Variants in LRRFIP1 observed in about 807,000 individuals in gnomAD.
LRRFIP1 encodes LRR binding FLII interacting protein 1.
In LRRFIP1, 62 loss-of-function variants were observed where a neutral mutation model predicts 104.4. The observed-to-expected ratio is 0.59, with a 90% CI of 0.48 to 0.73. The LOEUF (loss-of-function observed/expected upper bound fraction) is 0.73, where lower values mean the gene tolerates loss of function less well. Among genes scored for constraint, LRRFIP1 ranks in the 30% least tolerant of loss-of-function variants. The pLI is 0.00. For synonymous variants in LRRFIP1, 300 were observed against 299.0 expected (o/e 1.00, Z -0.03); for missense variants, 796 against 824.5 (o/e 0.97, Z 0.42).
chr2:237,741,478 G>A (rs891286818), intron 11 of LRRFIP1, among the ~76,000 whole-genome samples: 5 of 152,198 alleles, frequency 3.3e-5, no homozygotes, highest in South Asian at 4.1e-4. Context: ...AACATTTTCC[G>A]TAATAAATTT....
intron 1 of LRRFIP1, among the ~76,000 whole-genome samples, chr2:237,671,115 C>A (rs759002926): frequency 2.6e-5 from 4 of 152,320 alleles, no homozygotes; most frequent in Non-Finnish European, 4.4e-5. Context: ...AGATTTTGAA[C>A]AAGGGAACCC....
chr2:237,705,293 T>G (rs543431554), intron 1 of LRRFIP1, among the ~76,000 whole-genome samples: 1 of 152,232 alleles, frequency 6.6e-6, no homozygotes, highest in African/African-American at 2.4e-5. Flanking sequence ...TATCTGCTAG[T>G]GTGTAATAAA....
intron 1 of LRRFIP1, among the ~76,000 whole-genome samples, chr2:237,707,994 C>T (rs2093897319): frequency 6.6e-6 from 1 of 152,246 alleles, no homozygotes; most frequent in East Asian, 1.9e-4. Context: ...GCTGGGATTA[C>T]AGTCCCAGCT....
In LRRFIP1 at chr2:237,627,777, C is replaced by A. The variant is rs2081764117; in HGVS notation, c.96+37C>A. On this transcript the variant is annotated intron_variant, in intron 1 of 23. Transcript: ENST00000308482. ...GGGAGGGCAGCCGGGGGGCGCCGGG[C>A]GGGCGCGGGGGCCGGACGGCTGTCA... The A allele has an allele frequency of 1.7e-6, 2 of 1,181,220 alleles. 1 individual carries two copies. Among genetic ancestry groups the A allele is most frequent in the East Asian group, 7.4e-5 (2 of 27,002 alleles). 73.2% of individuals were successfully genotyped at this position (1,181,220 alleles called of 1,614,324 possible).
At chr2:237,697,334 A>G (rs2093258635) in intron 1 of LRRFIP1, among the ~76,000 whole-genome samples, 1 of 152,186 alleles carries the variant, frequency 6.6e-6, no homozygotes, top group African/African-American at 2.4e-5. Context: ...AATGAGCTTT[A>G]CTTTTCTACA....
chr2:237,753,073 A>G (rs75603954), intron 14 of LRRFIP1, among the ~76,000 whole-genome samples: 3,025 of 152,252 alleles, frequency 0.02, 104 homozygotes, highest in African/African-American at 0.069. Context: ...CGTTTGTTCT[A>G]ATGAGTGTGT....
intron 1 of LRRFIP1, among the ~76,000 whole-genome samples, chr2:237,682,722 T>C (rs1396733784): frequency 6.6e-6 from 1 of 152,240 alleles, no homozygotes; most frequent in Admixed American, 6.5e-5. Flanking sequence ...TGTCTTTCAA[T>C]GCTCCTGGCG....
rs985555342 is a variant in LRRFIP1, at chr2:237,711,025, G to T, written c.183+2395G>T. Among the ~76,000 whole-genome samples the T allele has an allele frequency of 2.0e-5, 3 of 152,208 alleles. No individual in the cohort carries two copies. The highest frequency in any genetic ancestry group is 7.2e-5 in the African/African-American group (3 of 41,444). ...ATGATCGGGCCATGATTGTCCCTGT[G>T]TGTAGCCACTGCACTCCAGCTGGGG... On this transcript the variant is annotated intron_variant, in intron 2 of 23. Coordinates refer to ENST00000308482, the MANE Select transcript of LRRFIP1 (RefSeq NM_001137550.2). The surrounding 1 kb of genome is among the most constrained non-coding windows in gnomAD (Gnocchi z 4.4).
chr2:237,662,517 A>G (rs2088210360), intron 1 of LRRFIP1, among the ~76,000 whole-genome samples: 1 of 152,022 alleles, frequency 6.6e-6, no homozygotes, highest in African/African-American at 2.4e-5. Context: ...TTTTTTTTTC[A>G]GGTCCAATGT....
intron 1 of LRRFIP1, among the ~76,000 whole-genome samples, chr2:237,672,707 G>T (rs1011017628): frequency 4.6e-5 from 7 of 152,134 alleles, no homozygotes; most frequent in Admixed American, 1.3e-4. Flanking sequence ...CCCGCTGTTG[G>T]TGTGTTTTAA....
At chr2:237,771,558 C>CCCCCCCG (rs1553714308) in intron 20 of LRRFIP1, among the ~76,000 whole-genome samples, 5 of 86,536 alleles carry the variant, frequency 5.8e-5, no homozygotes, top group African/African-American at 2.3e-4. Flanking sequence ...CAATCCCCCC[C>CCCCCCCG]CCCCCCCGCC....
chr2:237,666,884 G>A (rs1415867636), intron 1 of LRRFIP1, among the ~76,000 whole-genome samples: 3 of 114,722 alleles, frequency 2.6e-5, no homozygotes, highest in Non-Finnish European at 5.4e-5. Context: ...CTCTCGCTCT[G>A]TTCCTTTCTT....
chr2:237,746,522 G>T (rs542289024), intron 11 of LRRFIP1, among the ~76,000 whole-genome samples: 96 of 152,280 alleles, frequency 6.3e-4, no homozygotes, highest in African/African-American at 2.3e-3. Flanking sequence ...GTCTGCCTTC[G>T]TATCTGTCCC....
intron 1 of LRRFIP1, among the ~76,000 whole-genome samples, chr2:237,678,949 T>G (rs2091486686): frequency 6.6e-6 from 1 of 152,144 alleles, no homozygotes; most frequent in South Asian, 2.1e-4. Flanking sequence ...GGTACCATTA[T>G]CCCTCCCATT....
chr2:237,730,811 G>A (rs1231817905), intron 8 of LRRFIP1, among the ~76,000 whole-genome samples: 2 of 152,140 alleles, frequency 1.3e-5, no homozygotes, highest in Non-Finnish European at 1.5e-5. Context: ...CCAGCTACTC[G>A]GGGGGCTGAG....
intron 19 of LRRFIP1, chr2:237,763,419 C>G (rs975285178): frequency 1.9e-6 from 3 of 1,613,456 alleles, no homozygotes; most frequent in African/African-American, 2.7e-5. Context: ...CAGAAGAAGA[C>G]AAAGAACAAG....
chr2:237,687,591 G>A lies in LRRFIP1; in HGVS notation c.97-20953G>A, dbSNP rs193139010. 1.3e-3 allele frequency among the ~76,000 whole-genome samples: 154 copies of A among 121,860 alleles called. 3 individuals carry two copies. Among genetic ancestry groups the A allele is most frequent in the African/African-American group, 4.9e-3 (145 of 29,552 alleles). The allele number at this position is 121,860 out of a possible 152,430, so 79.9% of individuals were successfully genotyped here. On this transcript the variant is annotated intron_variant, in intron 1 of 23. Coordinates refer to ENST00000308482, the MANE Select transcript of LRRFIP1 (RefSeq NM_001137550.2). ...TGCACTCCAGCATGGGTAACAGAGC[G>A]AGACTCCATCTCAAAAAAAAAAAAA...
rs1193468546 is a variant in LRRFIP1, at chr2:237,691,272, C to G, written c.97-17272C>G. On this transcript the variant is annotated intron_variant, in intron 1 of 23. Transcript: ENST00000308482. The surrounding 1 kb of genome is among the most constrained non-coding windows in gnomAD (Gnocchi z 5.4). The stretch of plus-strand genomic sequence containing the variant: ...CCCCCAGCCTGGCGAGGTCGGGAAC[C>G]GTTTCCCGCAGGACTTTCATTGGGA... Among the ~76,000 whole-genome samples the G allele has an allele frequency of 6.6e-6, 1 of 152,242 alleles. No individual in the cohort carries two copies. Among genetic ancestry groups the G allele is most frequent in the Non-Finnish European group, 1.5e-5 (1 of 68,046 alleles).
At chr2:237,658,099 C>G (rs972364136) in intron 1 of LRRFIP1, among the ~76,000 whole-genome samples, 1 of 152,172 alleles carries the variant, frequency 6.6e-6, no homozygotes, top group African/African-American at 2.4e-5. Context: ...TTTAGGAAGG[C>G]AGCTGGGTAT....
Sources: gnomAD v4.1 joint callset for allele counts (sites outside exome capture counted in the v4.1 genomes callset) on GRCh38, gnomAD v4.1.1 for gene constraint, Gnocchi (gnomAD v3.1) non-coding constraint, MANE v1.5 for transcripts, NCBI Gene and HGNC (gene_info 2026-07-23, HGNC 2026-07-21) for gene names.